Variants in COL13A1 observed in about 807,000 individuals in gnomAD.
The protein encoded by COL13A1 is collagen type XIII alpha 1 chain, also known as collagen alpha-1(XIII) chain.
A neutral mutation model predicts 130.9 loss-of-function variants in COL13A1; 89 were observed. That is an observed-to-expected ratio of 0.68 (90% CI 0.57 to 0.81). The LOEUF is 0.81. Among genes scored for constraint, COL13A1 ranks in the 30% least tolerant of loss-of-function variants. The pLI is 0.00. For missense variants in COL13A1, 879 were observed against 934.6 expected, an observed-to-expected ratio of 0.94 and a Z score of 0.78; for synonymous variants, 402 against 341.6, an observed-to-expected ratio of 1.18 and a Z score of -1.95.
rs1431573697 is a variant in COL13A1, at chr10:69,865,740, G to C, written c.365-2058G>C. Among the ~76,000 whole-genome samples the C allele has an allele frequency of 3.3e-5, 5 of 152,270 alleles. No homozygotes were observed. In the South Asian group the frequency reaches 6.2e-4, roughly 19 times the overall value. ...TGTAAAAGACAGATGAGAGGGTTGA[G>C]TCTAGAGAAGGGGGCTGGAGGCTGA... is the stretch of plus-strand genomic sequence containing the variant. On this transcript the variant is annotated intron_variant, in intron 2 of 40. Transcript: ENST00000645393.
chr10:69,827,101 C>T (rs1345185586), intron 2 of COL13A1, among the ~76,000 whole-genome samples: 2 of 152,208 alleles, frequency 1.3e-5, no homozygotes, highest in Non-Finnish European at 2.9e-5. Context: ...AACTAGCATA[C>T]TGCACAGAGG....
At chr10:69,832,757 C>T (rs1056165568) in intron 2 of COL13A1, among the ~76,000 whole-genome samples, 10 of 152,266 alleles carry the variant, frequency 6.6e-5, no homozygotes, top group Admixed American at 3.9e-4. Flanking sequence ...AAGAAAGACT[C>T]GCCCTCCTTC....
intron 39 of COL13A1, chr10:69,955,340 A>T (rs2070440404): frequency 1.3e-5 from 2 of 152,550 alleles, no homozygotes. Flanking sequence ...TTTCTCAACC[A>T]GGACTTCCAC....
chr10:69,860,103 G>A (rs112402670), intron 2 of COL13A1, among the ~76,000 whole-genome samples: 2,502 of 152,292 alleles, frequency 0.016, 32 homozygotes, highest in Non-Finnish European at 0.025. Context: ...GGTGGGCAGC[G>A]TGGGGGCTGC....
chr10:69,843,976 C>G (rs533690346), intron 2 of COL13A1, among the ~76,000 whole-genome samples: 41 of 152,260 alleles, frequency 2.7e-4, no homozygotes, highest in Non-Finnish European at 5.3e-4. Flanking sequence ...TGATATGTCA[C>G]AAAGTCAAAC....
chr10:69,943,999 C>T (rs563410065), intron 35 of COL13A1, 126 bp from the exon 36 acceptor site: 10 of 729,612 alleles, frequency 1.4e-5, no homozygotes, highest in East Asian at 2.7e-5. Flanking sequence ...CTGCCCTGAA[C>T]GAGCCTGGCC....
In COL13A1 at chr10:69,927,075, T is replaced by C. The variant is rs2065464716; in HGVS notation, c.1399-12T>C. 6.2e-7 allele frequency: 1 copy of C among 1,613,722 alleles called. No homozygotes were observed. The highest frequency in any genetic ancestry group is 1.7e-5 in the Admixed American group (1 of 60,004). On this transcript the variant is annotated splice_polypyrimidine_tract_variant and intron_variant, in intron 26 of 40. Coordinates refer to ENST00000645393, the MANE Select transcript of COL13A1 (RefSeq NM_001368882.1). ...TTGCTCTTCAACTGATTGCCTGGTG[T>C]TGGTTTTTTAGGAGATCCGGACGCT...
intron 32 of COL13A1, among the ~76,000 whole-genome samples, chr10:69,935,825 C>T (rs1014106663): frequency 6.6e-6 from 1 of 151,880 alleles, no homozygotes; most frequent in Non-Finnish European, 1.5e-5. Context: ...GCCTGGGCAA[C>T]ATAATGAAAC....
At chr10:69,956,112 G>C (rs746519637) in intron 39 of COL13A1, 1 of 152,246 alleles carries the variant, frequency 6.6e-6, no homozygotes, top group Non-Finnish European at 1.5e-5. Flanking sequence ...TGTCTGCCCT[G>C]CCAGTCTAGC....
Position 69,802,490 on chromosome 10 carries a change from C to T in COL13A1, c.67C>T (p.Pro23Ser). ...GARGPGELGA[P>S]GTVALVAARA... is the part of the protein sequence containing the mutation. ...CCGCGGCCCTGGGGAGTTGGGCGCG[C>T]CCGGGACGGTGGCTCTGGTGGCGGC... The change falls in exon 1 of 41, where the codon CCC becomes TCC. Residue 23 changes from proline (P) to serine (S), a missense_variant. Around this residue, in one of 3 missense-constraint regions of COL13A1, gnomAD observed 715 missense variants for 721.0 expected, o/e 0.99. Coordinates refer to ENST00000645393, the MANE Select transcript of COL13A1 (RefSeq NM_001368882.1). 1 of 1,525,924 alleles carries T rather than the reference C, an allele frequency of 6.6e-7. No homozygotes were observed. Among genetic ancestry groups the T allele is most frequent in the Non-Finnish European group, 8.8e-7 (1 of 1,139,306 alleles). 94.5% of individuals were successfully genotyped at this position (1,525,924 alleles called of 1,614,324 possible).
At chr10:69,945,938 G>A (rs1016583254) in intron 37 of COL13A1, among the ~76,000 whole-genome samples, 1 of 152,054 alleles carries the variant, frequency 6.6e-6, no homozygotes, top group South Asian at 2.1e-4. Context: ...ACGTGTGGTG[G>A]TGCGCACCTG....
chr10:69,852,571 G>A (rs1230013767), intron 2 of COL13A1, among the ~76,000 whole-genome samples: 1 of 152,250 alleles, frequency 6.6e-6, no homozygotes, highest in African/African-American at 2.4e-5. Context: ...GGCTCAGTAC[G>A]TGGCCCTTGA....
In COL13A1 at chr10:69,898,083, C is replaced by A. The variant is rs530346886; in HGVS notation, c.685-614C>A. 3.9e-4 allele frequency among the ~76,000 whole-genome samples: 59 copies of A among 152,332 alleles called. 1 individual carries two copies. In the Middle Eastern group the frequency reaches 0.01, roughly 26 times the overall value. ...CCACGCTGGCCTCACCCTCAGCCAG[C>A]TCAAACCCCGGGGAACTGGGCTTGG... On this transcript the variant is annotated intron_variant, in intron 13 of 40. Transcript: ENST00000645393.
chr10:69,816,399 G>A lies in COL13A1; in HGVS notation c.295-5970G>A, dbSNP rs1189123717. 2.6e-5 allele frequency among the ~76,000 whole-genome samples: 4 copies of A among 151,634 alleles called. No homozygotes were observed. The East Asian group carries it at 7.7e-4, about 29-fold the overall frequency. On this transcript the variant is annotated intron_variant, in intron 1 of 40. Transcript: ENST00000645393. ...TCTATCAGAAGCTCAGTTTTGCCAG[G>A]CTAATTCTGAGATGCCTATGAAGGG...
chr10:69,947,988 C>T (rs2068802980), intron 38 of COL13A1, among the ~76,000 whole-genome samples: 2 of 152,200 alleles, frequency 1.3e-5, no homozygotes. Context: ...AGCATTTGGG[C>T]CCAGCAGGGA....
chr10:69,812,134 G>T (rs1843212362), intron 1 of COL13A1, among the ~76,000 whole-genome samples: 1 of 152,198 alleles, frequency 6.6e-6, no homozygotes, highest in Non-Finnish European at 1.5e-5. Context: ...ACTCCCTATT[G>T]CTCTCAGGCT....
chr10:69,817,804 C>T lies in COL13A1; in HGVS notation c.295-4565C>T, dbSNP rs1467077304. ...TGGTAGGACCCGCAGGTTGAAGGCC[C>T]TGTGGGATTCGAGGGTCCCTGGGGC... On this transcript the variant is annotated intron_variant, in intron 1 of 40. Transcript: ENST00000645393. 3.3e-5 allele frequency among the ~76,000 whole-genome samples: 5 copies of T among 152,080 alleles called. No individual in the cohort carries two copies. The East Asian group carries it at 9.7e-4, about 29-fold the overall frequency.
At position 69,929,991 on chromosome 10, in the gene COL13A1, T is replaced by C. The variant is rs1459000464; in HGVS notation, c.1486-52T>C. On this transcript the variant is annotated intron_variant, in intron 28 of 40. Coordinates refer to ENST00000645393, the MANE Select transcript of COL13A1 (RefSeq NM_001368882.1). ...GGTGCACTAAGCAATGCGTAACTGA[T>C]GGCTGCTATGTTCTCTGCCCTGAGA... 1.6e-5 allele frequency: 24 copies of C among 1,537,940 alleles called. 1 individual carries two copies. The East Asian group carries it at 2.7e-4, about 17-fold the overall frequency.
Position 69,805,134 on chromosome 10 carries a change from C to T in COL13A1, c.294+2417C>T, listed in dbSNP as rs145277879. Among the ~76,000 whole-genome samples, 1,179 of 152,134 alleles carry T rather than the reference C, an allele frequency of 7.7e-3. 21 individuals are homozygous for T. The highest frequency in any genetic ancestry group is 0.026 in the African/African-American group (1,058 of 41,480). ...AGTAGGAGATGTGGCTGGAGAGAGA[C>T]GGGCAGCCCAGGTCAAGAGGGGCCT... On this transcript the variant is annotated intron_variant, in intron 1 of 40. Transcript: ENST00000645393.
Sources: allele counts gnomAD v4.1 joint callset (sites outside exome capture counted in the v4.1 genomes callset), GRCh38; gene constraint gnomAD v4.1.1; regional missense constraint gnomAD v4.1.1; transcripts MANE v1.5; gene names NCBI Gene and HGNC (gene_info 2026-07-23, HGNC 2026-07-21).